Variants in RASGRP3 observed in about 807,000 individuals in gnomAD.
RASGRP3 encodes the protein RAS guanyl releasing protein 3.
Under a neutral mutation model 82.7 loss-of-function variants are expected in RASGRP3, and 54 were observed. The observed-to-expected ratio is 0.65, with a 90% CI of 0.52 to 0.82. RASGRP3 has a LOEUF of 0.82. Among genes scored for constraint, RASGRP3 ranks in the 40% least tolerant of loss-of-function variants. RASGRP3 has a pLI of 0.00. For synonymous variants in RASGRP3, 309 were observed against 300.5 expected, an observed-to-expected ratio of 1.03 and a Z score of -0.29; for missense variants, 861 against 828.9, an observed-to-expected ratio of 1.04 and a Z score of -0.48.
chr2:33,502,256 G>A (rs1169827268), intron 1 of RASGRP3, among the ~76,000 whole-genome samples: 1 of 152,120 alleles, frequency 6.6e-6, no homozygotes, highest in Admixed American at 6.5e-5. Flanking sequence ...CCAAGGAACT[G>A]GTGAAGAGAG....
rs1674473655 is a variant in RASGRP3 at position 33,543,643 on chromosome 2, G to C, written c.1394+16G>C. ...ACAAAGATCAGTAAGTTTTAATTTT[G>C]TTTTATTTTAATGCAACTATCCTAA... On this transcript the variant is annotated intron_variant, in intron 13 of 17. Transcript: ENST00000403687. 4 of 1,522,138 alleles carry C rather than the reference G, an allele frequency of 2.6e-6. No homozygotes were observed. The African/African-American group carries it at 4.1e-5, about 16-fold the overall frequency. The allele number at this position is 1,522,138 out of a possible 1,614,324, so 94.3% of individuals were successfully genotyped here.
At chr2:33,439,209 A>G (rs2150869907) in intron 1 of RASGRP3, among the ~76,000 whole-genome samples, 1 of 152,306 alleles carries the variant, frequency 6.6e-6, no homozygotes, top group South Asian at 2.1e-4. Context: ...TATCCTTGAA[A>G]AACTCAATGT....
At chr2:33,480,282 A>G (rs1256852239) in intron 1 of RASGRP3, among the ~76,000 whole-genome samples, 1 of 152,112 alleles carries the variant, frequency 6.6e-6, no homozygotes, top group Admixed American at 6.5e-5. Flanking sequence ...TGACCTGGTG[A>G]TCCACCCGCC....
intron 6 of RASGRP3, 65 bp from the exon 7 acceptor site, chr2:33,521,890 T>C: frequency 1.9e-6 from 3 of 1,540,668 alleles, no homozygotes; most frequent in Non-Finnish European, 2.6e-6. Flanking sequence ...AGTCAGTAGG[T>C]TAATAACTTC....
chr2:33,450,830 T>C, intron 2 of RASGRP3, among the ~76,000 whole-genome samples: 1 of 55,320 alleles, frequency 1.8e-5, no homozygotes, highest in Non-Finnish European at 3.4e-5. Flanking sequence ...TTCTTTTTTT[T>C]TTTTTTTTTT....
intron 17 of RASGRP3, among the ~76,000 whole-genome samples, chr2:33,561,170 G>A (rs1329805762): frequency 2.0e-5 from 3 of 151,840 alleles, no homozygotes; most frequent in East Asian, 1.9e-4. Context: ...AGGTTCAAGC[G>A]ATTCTCCTGC....
intron 1 of RASGRP3, among the ~76,000 whole-genome samples, chr2:33,501,468 A>G (rs1322353898): frequency 6.6e-6 from 1 of 152,210 alleles, no homozygotes; most frequent in East Asian, 1.9e-4. Context: ...TTGAGGAGCT[A>G]CCTAACTCAT....
At chr2:33,503,203 T>G (rs932855687) in intron 1 of RASGRP3, among the ~76,000 whole-genome samples, 4 of 152,242 alleles carry the variant, frequency 2.6e-5, no homozygotes, top group Admixed American at 6.5e-5. Context: ...CTTAAAACAT[T>G]TTTGAAATGA....
Position 33,563,447 on chromosome 2 carries a change from G to C in RASGRP3, c.*710G>C, listed in dbSNP as rs1676912951. ...AATTCTGCGTCACTAGGAAGCTATA[G>C]CATGGTCGTGAAAGCTCTCCTAATA... On this transcript the variant is annotated 3_prime_UTR_variant, in exon 18 of 18. Transcript: ENST00000403687. The C allele has an allele frequency of 6.6e-6, 1 of 152,006 alleles. No individual in the cohort carries two copies. The highest frequency in any genetic ancestry group is 2.4e-5 in the African/African-American group (1 of 41,410). 9.4% of individuals were successfully genotyped at this position (152,006 alleles called of 1,614,324 possible). A position where few individuals can be genotyped will look rare whatever the true frequency, so the allele number is the denominator to read the frequency against.
intron 3 of RASGRP3, 133 bp downstream of exon 3, chr2:33,515,339 G>A (rs1282138371): frequency 8.3e-6 from 7 of 839,078 alleles, no homozygotes; most frequent in East Asian, 2.6e-5. Flanking sequence ...GGATGGACCC[G>A]GGTCTGTCTC....
intron 13 of RASGRP3, among the ~76,000 whole-genome samples, chr2:33,548,714 A>AT (rs1386269854): frequency 5.9e-5 from 9 of 151,722 alleles, no homozygotes; most frequent in East Asian, 5.8e-4. Flanking sequence ...TATTATTATT[A>AT]TTATTTTTTG....
At chr2:33,463,119 C>A (rs1666474362) in intron 2 of RASGRP3, among the ~76,000 whole-genome samples, 1 of 152,120 alleles carries the variant, frequency 6.6e-6, no homozygotes, top group Non-Finnish European at 1.5e-5. Flanking sequence ...GCTGTCAAAT[C>A]AAATAGTTTT....
rs146474650 is a variant in RASGRP3 at position 33,502,939 on chromosome 2, A to T, written c.-260-8771A>T. On this transcript the variant is annotated intron_variant, in intron 1 of 17. Transcript: ENST00000403687. The stretch of plus-strand genomic sequence containing the variant: ...TACACATCAGAAACCCTAGTTTCTC[A>T]GAGTTGTGGCATTTCTGAAAGCTAA... 1.9e-3 allele frequency among the ~76,000 whole-genome samples: 283 copies of T among 152,288 alleles called. 5 individuals are homozygous for T. Among genetic ancestry groups the T allele is most frequent in the Non-Finnish European group, 1.5e-4 (10 of 68,018 alleles).
chr2:33,539,237 A>C, intron 12 of RASGRP3, 27 bp downstream of exon 12: 1 of 1,491,520 alleles, frequency 6.7e-7, no homozygotes, highest in Non-Finnish European at 9.2e-7. Context: ...GAATAAAGAG[A>C]GGGCACTAGA....
chr2:33,442,385 G>A (rs1348610879), intron 1 of RASGRP3, among the ~76,000 whole-genome samples: 1 of 152,154 alleles, frequency 6.6e-6, no homozygotes, highest in Admixed American at 6.6e-5. Context: ...TCTGGTTGGT[G>A]GGATAATGGT....
intron 11 of RASGRP3, among the ~76,000 whole-genome samples, chr2:33,536,068 C>G (rs182752952): frequency 2.7e-4 from 41 of 151,986 alleles, no homozygotes; most frequent in Non-Finnish European, 4.7e-4. Context: ...TTTGGGAGGC[C>G]GAGGCAGGCA....
At chr2:33,479,011 A>G (rs1019836135) in intron 1 of RASGRP3, among the ~76,000 whole-genome samples, 5 of 152,210 alleles carry the variant, frequency 3.3e-5, no homozygotes, top group African/African-American at 1.2e-4. Flanking sequence ...GACCATATGT[A>G]ACACAGACAG....
intron 10 of RASGRP3, chr2:33,533,386 T>A (rs1673285314): frequency 6.6e-6 from 1 of 152,164 alleles, no homozygotes; most frequent in Non-Finnish European, 1.5e-5. Flanking sequence ...CATTTCTGTC[T>A]CCGGGGCCCC....
chr2:33,562,769 T>G lies in RASGRP3; in HGVS notation c.*32T>G, dbSNP rs1442701326. The G allele has an allele frequency of 1.2e-6, 2 of 1,611,386 alleles. No individual in the cohort carries two copies. Among genetic ancestry groups the G allele is most frequent in the African/African-American group, 2.7e-5 (2 of 74,880 alleles). On this transcript the variant is annotated 3_prime_UTR_variant, in exon 18 of 18. Coordinates refer to ENST00000403687, the MANE Select transcript of RASGRP3 (RefSeq NM_001139488.2). ...GCTGCGGAAACTGAAGGCAATAATG[T>G]TGGCTTTTGGAAGGGGCAAGACGAG... is the stretch of plus-strand genomic sequence containing the variant.
Sources: gnomAD v4.1 joint callset for allele counts (sites outside exome capture counted in the v4.1 genomes callset) on GRCh38, gnomAD v4.1.1 for gene constraint, MANE v1.5 for transcripts, NCBI Gene and HGNC (gene_info 2026-07-23, HGNC 2026-07-21) for gene names.